Variants in GPLD1 observed in about 807,000 individuals in gnomAD.
The protein encoded by GPLD1 is glycosylphosphatidylinositol specific phospholipase D1.
GPLD1 carries 84 observed loss-of-function variants against 112.6 expected under a neutral mutation model. That is an observed-to-expected ratio of 0.75 (90% CI 0.63 to 0.89). The LOEUF (loss-of-function observed/expected upper bound fraction) is 0.89. Among genes scored for constraint, GPLD1 ranks in the 40% least tolerant of loss-of-function variants. The pLI, the probability that GPLD1 is intolerant of heterozygous loss-of-function variation, is 0.00. For synonymous variants in GPLD1, 386 were observed against 403.8 expected (o/e 0.96, Z 0.53); for missense variants, 1,044 against 1,051.5 (o/e 0.99, Z 0.10).
In GPLD1 at chr6:24,467,253, T is replaced by G; in HGVS notation, c.567A>C (p.Leu189=). Residue 189 remains leucine (L), a synonymous_variant, in exon 8 of 25, where the codon CTA becomes CTC. Coordinates refer to ENST00000230036, the MANE Select transcript of GPLD1 (RefSeq NM_001503.4). ...CATACAGTTTCTCATAAATTCCCAG[T>G]AGATCTTTGACTGGCACATACCTGA... ...ARRWYVPVKD[L]LGIYEKLYGR... The G allele has an allele frequency of 6.3e-7, 1 of 1,597,098 alleles. No homozygotes were observed. Among genetic ancestry groups the G allele is most frequent in the South Asian group, 1.1e-5 (1 of 90,732 alleles).
upstream of GPLD1, among the ~76,000 whole-genome samples, chr6:24,492,726 G>A (rs1301189126): frequency 2.0e-5 from 3 of 152,016 alleles, no homozygotes; most frequent in African/African-American, 7.3e-5. Flanking sequence ...CAGGCTGGAA[G>A]TAAGACAGGA....
At position 24,449,823 on chromosome 6, in the gene GPLD1, G is replaced by A; in HGVS notation, c.1412C>T (p.Ala471Val). Residue 471 changes from alanine (A) to valine (V), a missense_variant, in exon 15 of 25, where the codon GCT becomes GTT. By Grantham distance (64) the Ala-to-Val change is moderately conservative. Coordinates refer to ENST00000230036, the MANE Select transcript of GPLD1 (RefSeq NM_001503.4). ...GAGCTGCTCGGAGCCCACCGAGGGA[G>A]CTCCCACGGCCAGGTCAGGCACGCC... Reference protein sequence around the residue: ...VDGVPDLAVGAPSVGSEQLTY... With the variant: ...VDGVPDLAVGVPSVGSEQLTY... 1.2e-6 allele frequency: 2 copies of A among 1,613,730 alleles called. No individual in the cohort carries two copies. Among genetic ancestry groups the A allele is most frequent in the South Asian group, 1.1e-5 (1 of 91,064 alleles).
At chr6:24,441,602 G>T (rs1431306495) in intron 20 of GPLD1, among the ~76,000 whole-genome samples, 2 of 152,134 alleles carry the variant, frequency 1.3e-5, no homozygotes, top group Non-Finnish European at 2.9e-5. Flanking sequence ...AAATTGCTGT[G>T]GATTAGGAAA....
chr6:24,495,106 C>A, exon 1 of GPLD1: 1 of 1,316,006 alleles, frequency 7.6e-7, no homozygotes, highest in South Asian at 2.3e-5. Flanking sequence ...GCCTCCGGGC[C>A]TGCGCCCGGC....
chr6:24,469,638 G>C (rs944535709), intron 7 of GPLD1, among the ~76,000 whole-genome samples: 1 of 115,416 alleles, frequency 8.7e-6, no homozygotes, highest in African/African-American at 3.3e-5. Context: ...TGGGGTGGGG[G>C]GAGGGGGGAG....
intron 7 of GPLD1, among the ~76,000 whole-genome samples, chr6:24,467,984 G>C (rs1054078683): frequency 6.6e-6 from 1 of 151,900 alleles, no homozygotes; most frequent in Non-Finnish European, 1.5e-5. Flanking sequence ...TCCGTTCACC[G>C]CAACCTCCGC....
chr6:24,475,882 CCA>C (rs66807337), intron 4 of GPLD1, among the ~76,000 whole-genome samples: 110,333 of 150,842 alleles, frequency 0.73, 43,103 homozygotes, highest in Non-Finnish European at 0.9. Flanking sequence ...AGAAACAAAA[CCA>C]CACACACACA....
chr6:24,452,134 G>C (rs1763110279), intron 14 of GPLD1, among the ~76,000 whole-genome samples: 1 of 152,196 alleles, frequency 6.6e-6, no homozygotes, highest in Non-Finnish European at 1.5e-5. Flanking sequence ...CACTAGGGGA[G>C]GAGGGCATGG....
chr6:24,431,160 T>C (rs1159946999), intron 24 of GPLD1, among the ~76,000 whole-genome samples: 1 of 152,196 alleles, frequency 6.6e-6, no homozygotes, highest in African/African-American at 2.4e-5. Flanking sequence ...TTTTTAGACC[T>C]GCCTGTAAAT....
chr6:24,475,801 T>C (rs1763994975), intron 4 of GPLD1, among the ~76,000 whole-genome samples: 1 of 151,052 alleles, frequency 6.6e-6, no homozygotes, highest in Non-Finnish European at 1.5e-5. Flanking sequence ...GAGCTTGCAG[T>C]GAGCTAAGAT....
Position 24,475,223 on chromosome 6 carries a change from C to A in GPLD1, c.339G>T (p.Glu113Asp), listed in dbSNP as rs1174003029. The change falls in exon 5 of 25, where the codon GAG (glutamate) becomes GAT (aspartate). Residue 113 changes from glutamate (E) to aspartate (D), a missense_variant. Coordinates refer to ENST00000230036, the MANE Select transcript of GPLD1 (RefSeq NM_001503.4). Reference protein sequence around the residue: ...NYPLPWEKDTEKLVAFLFGIT... With the variant: ...NYPLPWEKDTDKLVAFLFGIT... ...TTCCAAACAAGAAAGCTACCAGTTT[C>A]TCTGTGTCCTGCCAAACAAGCAAAT... 6.3e-7 allele frequency: 1 copy of A among 1,585,472 alleles called. No individual in the cohort carries two copies. The highest frequency in any genetic ancestry group is 1.7e-5 in the Admixed American group (1 of 59,940).
chr6:24,437,435 A>T (rs1253019778), intron 20 of GPLD1, 146 bp from the exon 21 acceptor site: 15 of 670,390 alleles, frequency 2.2e-5, no homozygotes, highest in Admixed American at 2.8e-5. Flanking sequence ...GCAGTCAGGG[A>T]GGTACAACCA....
At chr6:24,431,401 C>T (rs1762399977) in intron 24 of GPLD1, among the ~76,000 whole-genome samples, 1 of 152,144 alleles carries the variant, frequency 6.6e-6, no homozygotes, top group South Asian at 2.1e-4. Flanking sequence ...TACTAATTTG[C>T]ATTTTATTTG....
chr6:24,484,069 C>G (rs372030541), intron 2 of GPLD1, among the ~76,000 whole-genome samples: 2 of 151,588 alleles, frequency 1.3e-5, no homozygotes, highest in East Asian at 2.0e-4. Context: ...GCGCCCACCA[C>G]GATGCCCGGC....
At chr6:24,481,541 G>T (rs148542438) in intron 2 of GPLD1, among the ~76,000 whole-genome samples, 96 of 152,186 alleles carry the variant, frequency 6.3e-4, no homozygotes, top group Middle Eastern at 3.4e-3. Flanking sequence ...ATTCCACACC[G>T]CTCAGGTGGG....
chr6:24,433,283 A>C, intron 23 of GPLD1, 46 bp from the exon 24 acceptor site: 1 of 1,590,666 alleles, frequency 6.3e-7, no homozygotes, highest in Non-Finnish European at 8.6e-7. Context: ...AACATAGTGT[A>C]ATACTTTATC....
intron 12 of GPLD1, 51 bp downstream of exon 12, chr6:24,460,228 A>T (rs776172172): frequency 6.2e-7 from 1 of 1,605,134 alleles, no homozygotes; most frequent in African/African-American, 1.3e-5. Flanking sequence ...GAAACAAGGT[A>T]TCTCAAGAAG....
upstream of GPLD1, among the ~76,000 whole-genome samples, chr6:24,493,802 GA>G (rs1764618322): frequency 6.6e-6 from 1 of 152,128 alleles, no homozygotes; most frequent in East Asian, 1.9e-4. Flanking sequence ...AAATGTCCTA[GA>G]AAAAAATTCA....
chr6:24,447,876 C>T lies in GPLD1; in HGVS notation c.1678+1G>A. The T allele has an allele frequency of 6.2e-7, 1 of 1,613,740 alleles. No individual in the cohort carries two copies. Among genetic ancestry groups the T allele is most frequent in the Non-Finnish European group, 8.5e-7 (1 of 1,179,916 alleles). The stretch of plus-strand genomic sequence containing the variant: ...CTCACCCATTCCCCCTCAGGCACTA[C>T]CTTTGTCGCTCAGGCTGGGGCCAGA... On this transcript the variant is annotated splice_donor_variant, in intron 17 of 24. Coordinates refer to ENST00000230036, the MANE Select transcript of GPLD1 (RefSeq NM_001503.4). LOFTEE classifies it high-confidence loss of function.
Sources: allele counts gnomAD v4.1 joint callset (sites outside exome capture counted in the v4.1 genomes callset), GRCh38; gene constraint gnomAD v4.1.1; transcripts MANE v1.5; gene names NCBI Gene and HGNC (gene_info 2026-07-23, HGNC 2026-07-21).